The following ZNF804A variants were observed in gnomAD, a reference collection of about 807,000 sequenced individuals.
ZNF804A encodes the protein zinc finger protein 804A.
Under a neutral mutation model 16.5 loss-of-function variants are expected in ZNF804A, and 2 were observed. The ratio of observed to expected loss-of-function variants is 0.12; its 90% CI spans 0.05 to 0.38. ZNF804A has a LOEUF of 0.38. ZNF804A is among the 10% of genes least tolerant of loss of function. The probability of loss-of-function intolerance (pLI) is 0.99; values close to 1 mark genes in which losing one functional copy is unlikely to be tolerated. For missense variants in ZNF804A, 1,473 were observed against 1,390.7 expected, an observed-to-expected ratio of 1.06 and a Z score of -0.94; for synonymous variants, 534 against 489.6, an observed-to-expected ratio of 1.09 and a Z score of -1.20.
At position 184,858,746 on chromosome 2, in the gene ZNF804A, A is replaced by G. The variant is rs114678416; in HGVS notation, c.112-7623A>G. 2.0e-3 allele frequency among the ~76,000 whole-genome samples: 307 copies of G among 152,186 alleles called. 1 individual carries two copies. The highest frequency in any genetic ancestry group is 7.1e-3 in the African/African-American group (295 of 41,526). ...ATTAGATTATTCTTAATTTGTACCT[A>G]CTTTTTCAGTACTCACTTTTATCAG... On this transcript the variant is annotated intron_variant, in intron 1 of 3. Coordinates refer to ENST00000302277, the MANE Select transcript of ZNF804A (RefSeq NM_194250.2).
rs753217259 is a variant in ZNF804A, at chr2:184,632,876, T to C, written c.111+33806T>C. ...TATATAGAAGGTTATCAGTCTAACA[T>C]TGACTACCTATGAATGCCTCCATGT... On this transcript the variant is annotated intron_variant, in intron 1 of 3. Transcript: ENST00000302277. Among the ~76,000 whole-genome samples the C allele has an allele frequency of 9.6e-4, 146 of 152,342 alleles. 2 individuals are homozygous for C. The highest frequency in any genetic ancestry group is 1.4e-3 in the Admixed American group (22 of 15,312).
intron 1 of ZNF804A, among the ~76,000 whole-genome samples, chr2:184,661,959 T>C (rs1692181565): frequency 6.6e-6 from 1 of 152,256 alleles, no homozygotes; most frequent in Non-Finnish European, 1.5e-5. Flanking sequence ...TGCTGGATTT[T>C]CTTTTAAAAC....
intron 1 of ZNF804A, among the ~76,000 whole-genome samples, chr2:184,736,754 G>A (rs1455501379): frequency 6.6e-6 from 1 of 151,846 alleles, no homozygotes; most frequent in Non-Finnish European, 1.5e-5. Flanking sequence ...TTATTTGTTT[G>A]TTTTTAACTT....
In ZNF804A at chr2:184,841,145, GTCT is replaced by G. The variant is rs139863967; in HGVS notation, c.112-25219_112-25217del. Among the ~76,000 whole-genome samples, 1,361 of 152,114 alleles carry G rather than the reference GTCT, an allele frequency of 8.9e-3. 22 individuals carry two copies. Among genetic ancestry groups the G allele is most frequent in the African/African-American group, 0.031 (1,301 of 41,512 alleles). ...ACGTTTTTGTCATATGTCCCTGTAT[GTCT>G]TCTTTATACAAGCCCTAGAAATGTG... is the stretch of plus-strand genomic sequence containing the variant. On this transcript the variant is annotated intron_variant, in intron 1 of 3. Transcript: ENST00000302277.
In ZNF804A at chr2:184,774,454, T is replaced by TA. The variant is rs889924484; in HGVS notation, c.112-91906dup. On this transcript the variant is annotated intron_variant, in intron 1 of 3. Transcript: ENST00000302277. ...TTTGTAGATGGTTCTCAGGGGTAGG[T>TA]AAAAAAAAATCTTGTCTGGGAAAAA... 9.9e-5 allele frequency among the ~76,000 whole-genome samples: 15 copies of TA among 151,286 alleles called. No individual in the cohort carries two copies. The Middle Eastern group carries it at 0.01, about 103-fold the overall frequency.
chr2:184,673,700 T>C (rs1002719966), intron 1 of ZNF804A, among the ~76,000 whole-genome samples: 1 of 152,186 alleles, frequency 6.6e-6, no homozygotes, highest in African/African-American at 2.4e-5. Flanking sequence ...GCTTCTTTTA[T>C]TGCTTTATGT....
At chr2:184,875,387 T>G (rs1413032587) in intron 2 of ZNF804A, among the ~76,000 whole-genome samples, 1 of 152,046 alleles carries the variant, frequency 6.6e-6, no homozygotes, top group African/African-American at 2.4e-5. Flanking sequence ...AGGAGAACTG[T>G]TTGTTAAAAA....
At chr2:184,804,946 T>C (rs2105784245) in intron 1 of ZNF804A, among the ~76,000 whole-genome samples, 1 of 152,330 alleles carries the variant, frequency 6.6e-6, no homozygotes, top group African/African-American at 2.4e-5. Context: ...CTTGTTAAAA[T>C]CATATTTCTA....
chr2:184,782,686 CTATATATAGGATATATA>C (rs1382728668), intron 1 of ZNF804A, among the ~76,000 whole-genome samples: 1 of 146,660 alleles, frequency 6.8e-6, no homozygotes, highest in African/African-American at 2.5e-5. Context: ...TATGTATATC[CTATATATAGGATATATA>C]TATATATATC....
intron 1 of ZNF804A, among the ~76,000 whole-genome samples, chr2:184,748,094 A>G (rs1693821789): frequency 1.3e-5 from 2 of 150,464 alleles, no homozygotes; most frequent in African/African-American, 2.4e-5. Context: ...ATCGTGATGC[A>G]TGTGTCTTTT....
rs758893461 is a variant in ZNF804A, at chr2:184,936,818, T to A, written c.1422T>A (p.Asp474Glu). Residue 474 changes from aspartate (D) to glutamate (E), a missense_variant, in exon 4 of 4, where the codon GAT becomes GAA. Asp to Glu is a conservative substitution (Grantham distance 45). Transcript: ENST00000302277. ...CTACTAAAGTAAATAATAATCTAGA[T>A]AAAAATAAGCCAGACTTAAAAGATC... ...FKSTKVNNNL[D>E]KNKPDLKDLC... 7 of 1,612,850 alleles carry A rather than the reference T, an allele frequency of 4.3e-6. No homozygotes were observed. Among genetic ancestry groups the A allele is most frequent in the Non-Finnish European group, 5.9e-6 (7 of 1,179,636 alleles).
At chr2:184,748,210 C>T (rs1422610521) in intron 1 of ZNF804A, among the ~76,000 whole-genome samples, 1 of 151,162 alleles carries the variant, frequency 6.6e-6, no homozygotes, top group Non-Finnish European at 1.5e-5. Flanking sequence ...AATTGCTTAC[C>T]ATGCTGGCTA....
intron 1 of ZNF804A, among the ~76,000 whole-genome samples, chr2:184,625,443 G>T (rs983917741): frequency 4.6e-5 from 7 of 151,894 alleles, no homozygotes; most frequent in Non-Finnish European, 8.8e-5. Flanking sequence ...GTAGGATCTG[G>T]ATCTATGTTT....
intron 1 of ZNF804A, among the ~76,000 whole-genome samples, chr2:184,702,688 A>G (rs143453708): frequency 5.9e-5 from 9 of 152,258 alleles, no homozygotes; most frequent in African/African-American, 2.2e-4. Context: ...AGTCACGTAC[A>G]TATGTCGTAA....
intron 2 of ZNF804A, among the ~76,000 whole-genome samples, chr2:184,868,482 A>G (rs1469693326): frequency 6.6e-6 from 1 of 152,014 alleles, no homozygotes; most frequent in African/African-American, 2.4e-5. Flanking sequence ...CTCTCTTGAG[A>G]ACTTGAAATT....
rs1694705247 is a variant in ZNF804A at position 184,800,383 on chromosome 2, T to A, written c.112-65986T>A. Among the ~76,000 whole-genome samples the A allele has an allele frequency of 2.0e-5, 3 of 151,810 alleles. No homozygotes were observed. The South Asian group carries it at 6.2e-4, about 32-fold the overall frequency. ...TTTTAATTACTTTAATTGTTGAAGC[T>A]TAGATTATTGATTTTATTTACTTTT... On this transcript the variant is annotated intron_variant, in intron 1 of 3. Transcript: ENST00000302277.
At chr2:184,783,138 G>GTTTTTTTTTTTTTTTTTTTTTTTTTT (rs57207733) in intron 1 of ZNF804A, among the ~76,000 whole-genome samples, 2 of 86,104 alleles carry the variant, frequency 2.3e-5, no homozygotes, top group Non-Finnish European at 2.1e-5. Flanking sequence ...AAAAGAGTGA[G>GTTTTTTTTTTTTTTTTTTTTTTTTTT]TTTTTTTTTT....
At chr2:184,901,972 C>G (rs1685189355) in intron 2 of ZNF804A, 1 of 151,960 alleles carries the variant, frequency 6.6e-6, no homozygotes, top group Non-Finnish European at 1.5e-5. Flanking sequence ...AAATTATACA[C>G]AAATTTAGCT....
intron 2 of ZNF804A, among the ~76,000 whole-genome samples, chr2:184,922,396 C>T (rs1261251554): frequency 6.6e-6 from 1 of 151,768 alleles, no homozygotes; most frequent in Non-Finnish European, 1.5e-5. Flanking sequence ...ATTTTTATGT[C>T]TTTTGGGAAA....
Sources: allele counts gnomAD v4.1 joint callset (sites outside exome capture counted in the v4.1 genomes callset), GRCh38; gene constraint gnomAD v4.1.1; transcripts MANE v1.5; gene names NCBI Gene and HGNC (gene_info 2026-07-23, HGNC 2026-07-21).